The following GSDME variants were observed in gnomAD, a reference collection of about 807,000 sequenced individuals.
The protein encoded by GSDME is gasdermin E.
Under a neutral mutation model 47.5 loss-of-function variants are expected in GSDME, and 44 were observed. The ratio of observed to expected loss-of-function variants is 0.93; its 90% CI spans 0.73 to 1.19. The LOEUF (loss-of-function observed/expected upper bound fraction) is 1.19, where lower values mean the gene tolerates loss of function less well. Among genes scored for constraint, GSDME ranks in the 50% most tolerant of loss-of-function variants. GSDME has a pLI of 0.00. For synonymous variants in GSDME, 258 were observed against 252.8 expected (o/e 1.02, Z -0.20); for missense variants, 663 against 604.2 (o/e 1.10, Z -1.02).
At chr7:24,789,281 C>CAT in the GSDME span, among the ~76,000 whole-genome samples, 1 of 151,912 alleles carries the variant, frequency 6.6e-6, no homozygotes, top group Non-Finnish European at 1.5e-5. Flanking sequence ...CACACACACA[C>CAT]GCCTGTGAAT....
At chr7:24,700,817 C>T (rs968663339) in intron 9 of GSDME, among the ~76,000 whole-genome samples, 4 of 152,218 alleles carry the variant, frequency 2.6e-5, no homozygotes, top group African/African-American at 9.6e-5. Context: ...CCCACTGGCG[C>T]AGGCTGGAGA....
At chr7:24,720,670 C>G (rs1354382291) in intron 3 of GSDME, among the ~76,000 whole-genome samples, 1 of 152,322 alleles carries the variant, frequency 6.6e-6, no homozygotes, top group Non-Finnish European at 1.5e-5. Flanking sequence ...AATCCCAGCA[C>G]TTTGGGAGGC....
At chr7:24,774,199 C>T in the GSDME span, among the ~76,000 whole-genome samples, 12 of 152,008 alleles carry the variant, frequency 7.9e-5, no homozygotes, top group South Asian at 4.2e-4. Flanking sequence ...TCATTTGCTC[C>T]TTAACATGAA....
chr7:24,749,554 G>A lies in GSDME; in HGVS notation c.211+10C>T. ...GAGACTAATTATAGAATATACCCAA[G>A]GAAACATACCTGGACTCGGAAATTG... On this transcript the variant is annotated intron_variant, in intron 2 of 9. Transcript: ENST00000645220. The A allele has an allele frequency of 6.3e-7, 1 of 1,598,712 alleles. No homozygotes were observed. The highest frequency in any genetic ancestry group is 1.1e-5 in the South Asian group (1 of 90,684).
chr7:24,717,929 C>A (rs1313347674), intron 4 of GSDME, among the ~76,000 whole-genome samples: 3 of 152,210 alleles, frequency 2.0e-5, no homozygotes, highest in Non-Finnish European at 1.5e-5. Flanking sequence ...AACACTCTCA[C>A]AAACAGGACC....
At chr7:24,750,999 G>A (rs916545887) in intron 1 of GSDME, among the ~76,000 whole-genome samples, 2 of 152,114 alleles carry the variant, frequency 1.3e-5, no homozygotes, top group South Asian at 2.1e-4. Context: ...TTTCTTTGAG[G>A]AAAAATGAAA....
rs1270176087 is a variant in GSDME at position 24,732,214 on chromosome 7, A to G, written c.404+12348T>C. ...TGATTCCAGTGCTGAGTAAAGCACA[A>G]AGACAAATGGGATGATTTTCAAACC... On this transcript the variant is annotated intron_variant, in intron 3 of 9. Transcript: ENST00000645220. This position sits in a 1 kb window ranked among gnomAD's most constrained non-coding sequence, Gnocchi z 4.8. 6.6e-6 allele frequency among the ~76,000 whole-genome samples: 1 copy of G among 152,264 alleles called. No individual in the cohort carries two copies. The highest frequency in any genetic ancestry group is 2.4e-5 in the African/African-American group (1 of 41,468).
chr7:24,729,848 G>C (rs1390328837), intron 3 of GSDME, among the ~76,000 whole-genome samples: 1 of 152,218 alleles, frequency 6.6e-6, no homozygotes, highest in Non-Finnish European at 1.5e-5. Flanking sequence ...TGGGCAGTAA[G>C]GGGATCCGAC....
the GSDME span, among the ~76,000 whole-genome samples, chr7:24,776,323 A>C: frequency 6.6e-6 from 1 of 152,160 alleles, no homozygotes; most frequent in African/African-American, 2.4e-5. Context: ...CAGGGACCTG[A>C]GTCAGATTGT....
At chr7:24,722,027 C>T (rs1789808371) in intron 3 of GSDME, among the ~76,000 whole-genome samples, 1 of 152,202 alleles carries the variant, frequency 6.6e-6, no homozygotes, top group African/African-American at 2.4e-5. Context: ...CACATTTCCA[C>T]AGGATATTTT....
At chr7:24,737,702 AAAG>A (rs1300946407) in intron 3 of GSDME, among the ~76,000 whole-genome samples, 1 of 152,120 alleles carries the variant, frequency 6.6e-6, no homozygotes, top group Non-Finnish European at 1.5e-5. Context: ...TCAAAAAAAA[AAAG>A]AAAACTACAA....
chr7:24,701,961 A>G (rs1393171414), intron 9 of GSDME, among the ~76,000 whole-genome samples: 3 of 152,230 alleles, frequency 2.0e-5, no homozygotes, highest in Admixed American at 6.5e-5. Context: ...GTCTGCCCCA[A>G]TACCTGCTTC....
intron 3 of GSDME, among the ~76,000 whole-genome samples, chr7:24,729,312 A>T (rs983193100): frequency 6.6e-6 from 1 of 152,282 alleles, no homozygotes; most frequent in African/African-American, 2.4e-5. Context: ...TCCTGAATCT[A>T]GGCAAACTAA....
the GSDME span, among the ~76,000 whole-genome samples, chr7:24,776,180 C>CAAAA: frequency 2.0e-3 from 139 of 70,478 alleles, 1 homozygote; most frequent in East Asian, 0.014. Context: ...AACTCCATCT[C>CAAAA]AAAAAAAAAA....
chr7:24,774,263 TCTTCCCTCCCTCCCTCCCTTCCTC>T, the GSDME span, among the ~76,000 whole-genome samples: 1 of 27,986 alleles, frequency 3.6e-5, no homozygotes, highest in Non-Finnish European at 6.5e-5. Context: ...CTCCCTCCCT[TCTTCCCTCCCTCCCTCCCTTCCTC>T]CCTCCCTCCC....
At chr7:24,794,293 T>TC in the GSDME span, among the ~76,000 whole-genome samples, 18 of 82,198 alleles carry the variant, frequency 2.2e-4, no homozygotes, top group South Asian at 8.6e-3. Flanking sequence ...CTCTCTCTCT[T>TC]TCTCTCCTCT....
chr7:24,782,865 C>T, the GSDME span, among the ~76,000 whole-genome samples: 2 of 152,278 alleles, frequency 1.3e-5, no homozygotes, highest in Admixed American at 1.3e-4. Flanking sequence ...TAAATGTCTT[C>T]TTTTGAGAAG....
At chr7:24,779,976 T>C in the GSDME span, among the ~76,000 whole-genome samples, 1 of 152,386 alleles carries the variant, frequency 6.6e-6, no homozygotes, top group South Asian at 2.1e-4. The surrounding 1 kb of genome is among the most constrained non-coding windows in gnomAD (Gnocchi z 6.0). Flanking sequence ...GCAGGAATGC[T>C]GTCTAGGCTC....
At chr7:24,792,654 T>G in the GSDME span, among the ~76,000 whole-genome samples, 24 of 152,160 alleles carry the variant, frequency 1.6e-4, no homozygotes, top group African/African-American at 5.8e-4. Flanking sequence ...TTTGGTAGGG[T>G]TTTCCCCTGG....
Sources: gnomAD v4.1 joint callset for allele counts (sites outside exome capture counted in the v4.1 genomes callset) on GRCh38, gnomAD v4.1.1 for gene constraint, Gnocchi (gnomAD v3.1) non-coding constraint, MANE v1.5 for transcripts, NCBI Gene and HGNC (gene_info 2026-07-23, HGNC 2026-07-21) for gene names.